LRP1B: variants seen among roughly 807,000 people sequenced by gnomAD.
LRP1B encodes the protein LDL receptor related protein 1B.
LRP1B carries 217 observed loss-of-function variants against 556.6 expected under a neutral mutation model. The ratio of observed to expected loss-of-function variants is 0.39; its 90% CI spans 0.35 to 0.44. The LOEUF (loss-of-function observed/expected upper bound fraction) is 0.44, where lower values mean the gene tolerates loss of function less well. Ranked by LOEUF, LRP1B falls within the 20% of genes least tolerant of loss-of-function variation. The probability of loss-of-function intolerance (pLI) is 1.00; values close to 1 mark genes in which losing one functional copy is unlikely to be tolerated. For missense variants in LRP1B, 5,053 were observed against 5,620.8 expected, an observed-to-expected ratio of 0.90 and a Z score of 3.23; for synonymous variants, 2,047 against 1,865.8, an observed-to-expected ratio of 1.10 and a Z score of -2.50.
intron 52 of LRP1B, among the ~76,000 whole-genome samples, chr2:140,507,225 CAT>C (rs1406565718): frequency 2.0e-5 from 3 of 152,222 alleles, no homozygotes; most frequent in East Asian, 3.9e-4. Flanking sequence ...CAAATGTTCA[CAT>C]GTTAGAAAAA....
At chr2:141,049,369 T>C (rs1438462394) in intron 10 of LRP1B, 147 bp from the exon 11 acceptor site, 3 of 638,872 alleles carry the variant, frequency 4.7e-6, no homozygotes, top group Non-Finnish European at 8.4e-6. Flanking sequence ...TGTATCTTGA[T>C]GCAAGAAGGC....
At chr2:141,607,937 G>A (rs1277666970) in intron 2 of LRP1B, among the ~76,000 whole-genome samples, 1 of 151,676 alleles carries the variant, frequency 6.6e-6, no homozygotes, top group Non-Finnish European at 1.5e-5. Flanking sequence ...AAATAAATAA[G>A]AAATAGGCCT....
intron 2 of LRP1B, among the ~76,000 whole-genome samples, chr2:141,599,277 T>A (rs756278924): frequency 2.6e-5 from 4 of 151,968 alleles, no homozygotes; most frequent in Non-Finnish European, 4.4e-5. Context: ...AAAATTCTAT[T>A]TCTCCATTTG....
chr2:141,620,282 A>C (rs1025507208), intron 2 of LRP1B, among the ~76,000 whole-genome samples: 2 of 152,238 alleles, frequency 1.3e-5, no homozygotes, highest in Non-Finnish European at 2.9e-5. Context: ...GTATATTCAT[A>C]AAAGGGTTGT....
intron 77 of LRP1B, 116 bp downstream of exon 77, chr2:140,350,681 G>A (rs1317906439): frequency 3.6e-6 from 3 of 836,038 alleles, no homozygotes; most frequent in Non-Finnish European, 3.5e-6. Context: ...GAGAATATTG[G>A]GAGAATAATT....
Position 140,868,265 on chromosome 2 carries a change from T to TAA in LRP1B, c.4170-4_4170-3dup, listed in dbSNP as rs34488899. ...TCCCAGTCTGTCCAGAAAAGAATTC[T>TAA]AAAAAAAAAAAAAAAAAAAGAAATA... is the stretch of plus-strand genomic sequence containing the variant. On this transcript the variant is annotated splice_polypyrimidine_tract_variant and splice_region_variant and intron_variant, in intron 25 of 90. Coordinates refer to ENST00000389484, the MANE Select transcript of LRP1B (RefSeq NM_018557.3). 8,980 of 1,288,414 alleles carry TAA rather than the reference T, an allele frequency of 7.0e-3. No individual in the cohort carries two copies. The highest frequency in any genetic ancestry group is 9.1e-3 in the South Asian group (544 of 59,840). 79.8% of individuals were successfully genotyped at this position (1,288,414 alleles called of 1,614,324 possible).
At position 141,321,789 on chromosome 2, in the gene LRP1B, A is replaced by G. The variant is rs77254836; in HGVS notation, c.344-67148T>C. Among the ~76,000 whole-genome samples the G allele has an allele frequency of 7.5e-4, 114 of 152,260 alleles. 3 individuals are homozygous for G. The East Asian group carries it at 0.021, about 28-fold the overall frequency. On this transcript the variant is annotated intron_variant, in intron 3 of 90. Transcript: ENST00000389484. The stretch of plus-strand genomic sequence containing the variant: ...ATATAAAAGTGAAATACAAAAACTT[A>G]TATTTTAAATTTGTAGTTTACAAAA...
chr2:142,018,233 G>A (rs2105170656), intron 1 of LRP1B, among the ~76,000 whole-genome samples: 1 of 152,102 alleles, frequency 6.6e-6, no homozygotes, highest in East Asian at 1.9e-4. Flanking sequence ...TTCTTCTTAA[G>A]TTGCAGTTGA....
chr2:141,486,686 T>C (rs1683133702), intron 2 of LRP1B, among the ~76,000 whole-genome samples: 1 of 152,060 alleles, frequency 6.6e-6, no homozygotes. Context: ...TCCCATCTAT[T>C]TTCCCAATAT....
chr2:141,028,426 G>A (rs562516306), intron 11 of LRP1B, among the ~76,000 whole-genome samples: 1 of 152,008 alleles, frequency 6.6e-6, no homozygotes, highest in East Asian at 1.9e-4. Context: ...CTAGGAAAGT[G>A]TGTTAAGACG....
intron 20 of LRP1B, among the ~76,000 whole-genome samples, chr2:140,942,226 A>G (rs1695421953): frequency 6.6e-6 from 1 of 152,166 alleles, no homozygotes; most frequent in African/African-American, 2.4e-5. Context: ...CAATCAACGC[A>G]GTCACGCAAA....
At chr2:142,003,860 T>C (rs1702728631) in intron 1 of LRP1B, among the ~76,000 whole-genome samples, 1 of 152,140 alleles carries the variant, frequency 6.6e-6, no homozygotes, top group Non-Finnish European at 1.5e-5. Context: ...GCTCTGGAGG[T>C]AGAAAGGGCT....
chr2:141,451,316 T>C (rs1681413737), intron 3 of LRP1B, among the ~76,000 whole-genome samples: 1 of 152,218 alleles, frequency 6.6e-6, no homozygotes, highest in Non-Finnish European at 1.5e-5. Flanking sequence ...GTACTCTTAG[T>C]GAACTGGTAG....
intron 20 of LRP1B, among the ~76,000 whole-genome samples, chr2:140,939,542 A>G (rs1695331799): frequency 6.7e-6 from 1 of 148,620 alleles, no homozygotes; most frequent in Non-Finnish European, 1.5e-5. Context: ...ATAAATTTAA[A>G]TTGTAGGTCA....
intron 80 of LRP1B, among the ~76,000 whole-genome samples, chr2:140,324,444 T>G (rs548642979): frequency 2.6e-4 from 39 of 152,164 alleles, no homozygotes; most frequent in African/African-American, 9.4e-4. Context: ...GTGTTCTGGA[T>G]CAAATAAATG....
At chr2:140,359,103 A>G (rs1173934615) in intron 72 of LRP1B, among the ~76,000 whole-genome samples, 157 bp from the exon 73 acceptor site, 3 of 151,664 alleles carry the variant, frequency 2.0e-5, no homozygotes, top group Non-Finnish European at 3.0e-5. Context: ...TACCAGAAAA[A>G]TATGTGATGA....
chr2:141,663,147 A>G (rs902646774), intron 2 of LRP1B, among the ~76,000 whole-genome samples: 2 of 152,146 alleles, frequency 1.3e-5, no homozygotes, highest in African/African-American at 4.8e-5. Context: ...AATGAGAACA[A>G]AGAGACAACA....
chr2:141,080,241 T>A (rs1431738759), intron 7 of LRP1B, among the ~76,000 whole-genome samples: 9 of 152,184 alleles, frequency 5.9e-5, no homozygotes. Flanking sequence ...GCATTTGCTG[T>A]TCATGCCTTG....
intron 59 of LRP1B, among the ~76,000 whole-genome samples, chr2:140,481,505 C>T (rs1333898647): frequency 5.3e-5 from 8 of 151,360 alleles, no homozygotes; most frequent in African/African-American, 1.9e-4. Flanking sequence ...TCTGGATAAA[C>T]AGTACATGCA....
Sources: gnomAD v4.1 joint callset for allele counts (sites outside exome capture counted in the v4.1 genomes callset) on GRCh38, gnomAD v4.1.1 for gene constraint, MANE v1.5 for transcripts, NCBI Gene and HGNC (gene_info 2026-07-23, HGNC 2026-07-21) for gene names.